Variants in EYS observed in about 807,000 individuals in gnomAD.
The protein encoded by EYS is EGF-like photoreceptor maintenance factor.
In EYS, 250 loss-of-function variants were observed where a neutral mutation model predicts 282.1. That is an observed-to-expected ratio of 0.89 (90% CI 0.80 to 0.98). The LOEUF is 0.98. Ranked by LOEUF, EYS falls within the 50% of genes least tolerant of loss-of-function variation. EYS has a pLI of 0.00. For synonymous variants in EYS, 1,355 were observed against 1,282.9 expected, an observed-to-expected ratio of 1.06 and a Z score of -1.20; for missense variants, 4,016 against 3,709.0, an observed-to-expected ratio of 1.08 and a Z score of -2.15.
chr6:64,643,746 T>C (rs970574468), intron 22 of EYS, among the ~76,000 whole-genome samples: 3 of 152,242 alleles, frequency 2.0e-5, no homozygotes, highest in Admixed American at 6.5e-5. Context: ...GATAGTTTTA[T>C]AAGGGAGAGT....
intron 26 of EYS, among the ~76,000 whole-genome samples, chr6:64,491,780 TA>T (rs1475889954): frequency 2.0e-5 from 3 of 151,066 alleles, no homozygotes; most frequent in African/African-American, 7.3e-5. Context: ...AGCTATGTTA[TA>T]AAGGTGACTT....
chr6:65,080,283 G>A (rs1774194163), intron 12 of EYS, among the ~76,000 whole-genome samples: 3 of 152,112 alleles, frequency 2.0e-5, no homozygotes, highest in Non-Finnish European at 4.4e-5. Flanking sequence ...TGAGTACAGT[G>A]TGAATGATCT....
chr6:64,776,691 A>T (rs1024910449), intron 22 of EYS, among the ~76,000 whole-genome samples: 4 of 152,094 alleles, frequency 2.6e-5, no homozygotes, highest in Admixed American at 2.6e-4. Context: ...TTCAAATAAA[A>T]ATGTAATTAT....
chr6:64,797,887 C>T (rs1237313179), intron 22 of EYS, among the ~76,000 whole-genome samples: 1 of 151,974 alleles, frequency 6.6e-6, no homozygotes, highest in African/African-American at 2.4e-5. Flanking sequence ...AGCCAGATGA[C>T]ATTCAGAGCT....
chr6:63,932,289 A>G (rs76652076), intron 35 of EYS, among the ~76,000 whole-genome samples: 11 of 152,330 alleles, frequency 7.2e-5, no homozygotes, highest in African/African-American at 2.6e-4. Context: ...TGCTGCAATA[A>G]ATACCAAGGT....
chr6:65,078,641 T>G (rs1240124421), intron 12 of EYS, among the ~76,000 whole-genome samples: 1 of 151,958 alleles, frequency 6.6e-6, no homozygotes, highest in Non-Finnish European at 1.5e-5. Flanking sequence ...ATCAAGGTAA[T>G]TGGTATAGAT....
intron 33 of EYS, among the ~76,000 whole-genome samples, chr6:64,035,130 A>T (rs1770051078): frequency 6.6e-6 from 1 of 152,208 alleles, no homozygotes; most frequent in Non-Finnish European, 1.5e-5. Context: ...GCAAAGACTT[A>T]TCTGGTCCTT....
chr6:64,065,424 GTTGCTGC>G (rs776611611), intron 33 of EYS, among the ~76,000 whole-genome samples: 2 of 152,094 alleles, frequency 1.3e-5, no homozygotes, highest in Non-Finnish European at 2.9e-5. Flanking sequence ...TGAATTCTTA[GTTGCTGC>G]ATGTAAATTT....
chr6:63,986,674 G>T (rs913037791), intron 34 of EYS, among the ~76,000 whole-genome samples: 9 of 151,844 alleles, frequency 5.9e-5, no homozygotes, highest in African/African-American at 2.2e-4. Context: ...ACTAATGAAG[G>T]ATCGGAAAAC....
chr6:64,214,754 C>G (rs932068069), intron 31 of EYS, among the ~76,000 whole-genome samples: 1 of 151,838 alleles, frequency 6.6e-6, no homozygotes, highest in African/African-American at 2.4e-5. Flanking sequence ...GTGGCTAGAA[C>G]ATATTTATGG....
Position 65,123,610 on chromosome 6 carries a change from G to T in EYS, c.2024-65883C>A, listed in dbSNP as rs182725631. On this transcript the variant is annotated intron_variant, in intron 12 of 42. Transcript: ENST00000503581. ...GAAGGAAACAATACAAGAGCAGAAGGTTGACAAACCAGAGTGGCTAATATA... is the reference window on the plus strand; with the variant it reads ...GAAGGAAACAATACAAGAGCAGAAGTTTGACAAACCAGAGTGGCTAATATA... Among the ~76,000 whole-genome samples, 17 of 152,226 alleles carry T rather than the reference G, an allele frequency of 1.1e-4. No individual in the cohort carries two copies. The East Asian group carries it at 3.1e-3, about 28-fold the overall frequency.
chr6:64,253,916 G>C (rs1261949848), intron 30 of EYS, among the ~76,000 whole-genome samples: 1 of 152,130 alleles, frequency 6.6e-6, no homozygotes, highest in East Asian at 1.9e-4. Context: ...TGACTGTTAT[G>C]AAGTTGTGAT....
intron 30 of EYS, 67 bp downstream of exon 30, chr6:64,306,903 T>C: frequency 1.3e-6 from 1 of 788,258 alleles, no homozygotes. Flanking sequence ...TTATTTCAAT[T>C]GGAAATGATA....
At chr6:64,742,445 G>A (rs1772408255) in intron 22 of EYS, among the ~76,000 whole-genome samples, 1 of 152,096 alleles carries the variant, frequency 6.6e-6, no homozygotes, top group South Asian at 2.1e-4. Context: ...CACCTACTGT[G>A]GCAAAAATGG....
intron 16 of EYS, among the ~76,000 whole-genome samples, chr6:64,911,579 G>A (rs561795107): frequency 9.9e-5 from 15 of 152,188 alleles, no homozygotes; most frequent in Admixed American, 1.3e-4. Flanking sequence ...TTATTATTAA[G>A]AGACTCCCTT....
intron 35 of EYS, among the ~76,000 whole-genome samples, chr6:63,934,642 C>G (rs190255890): frequency 1.3e-4 from 19 of 151,360 alleles, no homozygotes; most frequent in Non-Finnish European, 1.6e-4. Context: ...AGCAAACTAT[C>G]GCAAGGACAA....
chr6:64,697,474 G>A (rs1159118131), intron 22 of EYS, among the ~76,000 whole-genome samples: 1 of 152,120 alleles, frequency 6.6e-6, no homozygotes, highest in African/African-American at 2.4e-5. Flanking sequence ...CACTGGACAT[G>A]TCATTGAGAT....
Position 65,295,847 on chromosome 6 carries a change from GAA to G in EYS, c.2023+14_2023+15del, listed in dbSNP as rs35045551. On this transcript the variant is annotated intron_variant, in intron 12 of 42. Transcript: ENST00000503581. ...TTTACTAGAAAATTTAATTTATCAG[GAA>G]AAAAAAAACTTGCCTTTAAATCCTG... 12 of 1,397,834 alleles carry G rather than the reference GAA, an allele frequency of 8.6e-6. No individual in the cohort carries two copies. The highest frequency in any genetic ancestry group is 1.1e-5 in the Non-Finnish European group (12 of 1,045,084). 86.6% of individuals were successfully genotyped at this position (1,397,834 alleles called of 1,614,324 possible). A position where few individuals can be genotyped will look rare whatever the true frequency, so the allele number is the denominator to read the frequency against.
rs35045551 is a variant in EYS at position 65,295,847 on chromosome 6, G to GAA, written c.2023+14_2023+15dup. The GAA allele has an allele frequency of 0.026, 33,662 of 1,272,354 alleles. No individual in the cohort carries two copies. The highest frequency in any genetic ancestry group is 0.077 in the East Asian group (1,975 of 25,492). The allele number at this position is 1,272,354 out of a possible 1,614,324, so 78.8% of individuals were successfully genotyped here. A position where few individuals can be genotyped will look rare whatever the true frequency, so the allele number is the denominator to read the frequency against. ...TTTACTAGAAAATTTAATTTATCAG[G>GAA]AAAAAAAAAACTTGCCTTTAAATCC... On this transcript the variant is annotated intron_variant, in intron 12 of 42. Transcript: ENST00000503581.
Sources: gnomAD v4.1 joint callset for allele counts (sites outside exome capture counted in the v4.1 genomes callset) on GRCh38, gnomAD v4.1.1 for gene constraint, MANE v1.5 for transcripts, NCBI Gene and HGNC (gene_info 2026-07-23, HGNC 2026-07-21) for gene names.